LALBA: variants seen among roughly 807,000 people sequenced by gnomAD.
The protein encoded by LALBA is lactalbumin alpha, also known as alpha-lactalbumin.
In LALBA, 12 loss-of-function variants were observed where a neutral mutation model predicts 13.4. The observed-to-expected ratio is 0.89, with a 90% CI of 0.57 to 1.45. LALBA has a LOEUF of 1.45. Among genes scored for constraint, LALBA ranks in the 40% most tolerant of loss-of-function variants. The pLI is 0.00. For missense variants in LALBA, 145 were observed against 165.9 expected (o/e 0.87, Z 0.69); for synonymous variants, 64 against 61.0 (o/e 1.05, Z -0.23).
rs1275392961 is a variant in LALBA, at chr12:48,567,698, G to T, written c.*259C>A. 1 of 370,864 alleles carries T rather than the reference G, an allele frequency of 2.7e-6. No homozygotes were observed. The highest frequency in any genetic ancestry group is 5.0e-6 in the Non-Finnish European group (1 of 201,916). The allele number at this position is 370,864 out of a possible 1,614,324, so 23.0% of individuals were successfully genotyped here. A position where few individuals can be genotyped will look rare whatever the true frequency, so the allele number is the denominator to read the frequency against. On this transcript the variant is annotated 3_prime_UTR_variant, in exon 4 of 4. Transcript: ENST00000301046. Reference sequence around the variant, plus strand: ...ATTACAGCCAGTGACTTCAAAGTGGGACCTTTATTCAAGACAGAGGTGAAA... The same window carrying T: ...ATTACAGCCAGTGACTTCAAAGTGGTACCTTTATTCAAGACAGAGGTGAAA...
At chr12:48,569,569 C>G (rs1051677143) in intron 1 of LALBA, among the ~76,000 whole-genome samples, 1 of 151,992 alleles carries the variant, frequency 6.6e-6, no homozygotes, top group African/African-American at 2.4e-5. Flanking sequence ...CAAAATTAGC[C>G]AGGCATGGTG....
chr12:48,568,242 A>G, intron 3 of LALBA: 1 of 610,966 alleles, frequency 1.6e-6, no homozygotes, highest in South Asian at 2.0e-5. Flanking sequence ...GCTTTAGGGC[A>G]TAGAACTAAA....
chr12:48,571,062 A>G (rs2137135408), upstream of LALBA, among the ~76,000 whole-genome samples: 1 of 152,158 alleles, frequency 6.6e-6, no homozygotes, highest in East Asian at 1.9e-4. Flanking sequence ...TCCTACCGTA[A>G]ATAACCAAAT....
At chr12:48,571,428 A>C (rs7315024), upstream of LALBA, among the ~76,000 whole-genome samples, 7,247 of 112,460 alleles carry the variant, frequency 0.064, 268 homozygotes, top group Middle Eastern at 0.16. Flanking sequence ...TCTGTTGCCC[A>C]GGCTGGAATG....
rs955404272 is a variant in LALBA, at chr12:48,569,004, T to A, written c.292+78A>T. 15 of 1,269,246 alleles carry A rather than the reference T, an allele frequency of 1.2e-5. No homozygotes were observed. The Admixed American group carries it at 2.4e-4, about 20-fold the overall frequency. 78.6% of individuals were successfully genotyped at this position (1,269,246 alleles called of 1,614,324 possible). A position where few individuals can be genotyped will look rare whatever the true frequency, so the allele number is the denominator to read the frequency against. Reference sequence around the variant, plus strand: ...AGCCAAGGCAATGAAGCCTGAGGTCTGCTTGGCACTAAAAAGGAGATTATC... The same window carrying A: ...AGCCAAGGCAATGAAGCCTGAGGTCAGCTTGGCACTAAAAAGGAGATTATC... On this transcript the variant is annotated intron_variant, in intron 2 of 3. Transcript: ENST00000301046.
At chr12:48,569,433 G>T (rs1006912477) in intron 1 of LALBA, among the ~76,000 whole-genome samples, 193 bp from the exon 2 acceptor site, 4 of 152,176 alleles carry the variant, frequency 2.6e-5, no homozygotes, top group African/African-American at 9.7e-5. Flanking sequence ...AATAAATGGG[G>T]CCAGGCATGA....
rs184570081 is a variant in LALBA at position 48,569,289 on chromosome 12, A to G, written c.134-49T>C. The stretch of plus-strand genomic sequence containing the variant: ...TACCACAGAGATGTACAGGATCTGC[A>G]TAAAGGAGGAACTGTAATTCTCAGA... On this transcript the variant is annotated intron_variant, in intron 1 of 3. Coordinates refer to ENST00000301046, the MANE Select transcript of LALBA (RefSeq NM_002289.3). 1.5e-4 allele frequency: 213 copies of G among 1,467,510 alleles called. 1 individual carries two copies. The Admixed American group carries it at 2.7e-3, about 19-fold the overall frequency. The allele number at this position is 1,467,510 out of a possible 1,614,324, so 90.9% of individuals were successfully genotyped here.
Position 48,569,174 on chromosome 12 carries a change from G to C in LALBA, c.200C>G (p.Thr67Arg). The part of the protein sequence containing the change: ...TQAIVENNES[T>R]EYGLFQISNK... ...ACTGATCTGGAAGAGTCCATATTCCGTGCTTTCATTGTTTTCAACTATGGC... is the reference window on the plus strand; with the variant it reads ...ACTGATCTGGAAGAGTCCATATTCCCTGCTTTCATTGTTTTCAACTATGGC... Residue 67 changes from threonine (T) to arginine (R), a missense_variant, in exon 2 of 4, where the codon ACG (threonine) becomes AGG (arginine). Thr to Arg is a moderately conservative substitution (Grantham distance 71). Transcript: ENST00000301046. 6.2e-7 allele frequency: 1 copy of C among 1,613,364 alleles called. No homozygotes were observed. Among genetic ancestry groups the C allele is most frequent in the Non-Finnish European group, 8.5e-7 (1 of 1,179,434 alleles).
At chr12:48,569,516 C>A (rs1337999164) in intron 1 of LALBA, among the ~76,000 whole-genome samples, 6 of 152,122 alleles carry the variant, frequency 3.9e-5, no homozygotes, top group Non-Finnish European at 8.8e-5. Context: ...AAGTTTGAGA[C>A]CAGCCTGGCC....
At chr12:48,569,806 T>C (rs924209010) in intron 1 of LALBA, 82 bp downstream of exon 1, 1 of 1,347,750 alleles carries the variant, frequency 7.4e-7, no homozygotes, top group Non-Finnish European at 1.0e-6. Context: ...TAAGTAAAAG[T>C]GGAGGGGCGA....
chr12:48,571,386 CTT>C (rs60444004), upstream of LALBA, among the ~76,000 whole-genome samples: 863 of 98,032 alleles, frequency 8.8e-3, 35 homozygotes, highest in East Asian at 0.094. Flanking sequence ...CTTCTTCTTC[CTT>C]TTTTTTTTTT....
Position 48,570,042 on chromosome 12 carries a change from G to A in LALBA, c.-22C>T. On this transcript the variant is annotated 5_prime_UTR_variant, in exon 1 of 4. Coordinates refer to ENST00000301046, the MANE Select transcript of LALBA (RefSeq NM_002289.3). ...TCATTTTGGCTACCCCCAAGAACCTGAAATGGAAGCATCACTCAGTTTCAT... is the reference window on the plus strand; with the variant it reads ...TCATTTTGGCTACCCCCAAGAACCTAAAATGGAAGCATCACTCAGTTTCAT... The A allele has an allele frequency of 6.2e-7, 1 of 1,613,154 alleles. No individual in the cohort carries two copies. Among genetic ancestry groups the A allele is most frequent in the Non-Finnish European group, 8.5e-7 (1 of 1,179,610 alleles).
At chr12:48,571,428 A>T (rs7315024), upstream of LALBA, among the ~76,000 whole-genome samples, 1 of 112,478 alleles carries the variant, frequency 8.9e-6, no homozygotes, top group Non-Finnish European at 1.6e-5. Context: ...TCTGTTGCCC[A>T]GGCTGGAATG....
rs780546430 is a variant in LALBA at position 48,568,609 on chromosome 12, G to C, written c.293-17C>G. 9.2e-6 allele frequency: 14 copies of C among 1,514,606 alleles called. No homozygotes were observed. Among genetic ancestry groups the C allele is most frequent in the Admixed American group, 1.8e-5 (1 of 56,058 alleles). 93.8% of individuals were successfully genotyped at this position (1,514,606 alleles called of 1,614,324 possible). A position where few individuals can be genotyped will look rare whatever the true frequency, so the allele number is the denominator to read the frequency against. ...CCAGGAACTCTGGCAGGAGTTACAG[G>C]GAAAGGATTGAGACAGCTGACAAGT... On this transcript the variant is annotated splice_polypyrimidine_tract_variant and intron_variant, in intron 2 of 3. Transcript: ENST00000301046.
chr12:48,568,653 G>A, intron 2 of LALBA, 61 bp from the exon 3 acceptor site: 1 of 994,960 alleles, frequency 1.0e-6, no homozygotes, highest in Non-Finnish European at 1.6e-6. Flanking sequence ...GAAAGGCACT[G>A]AGTTCCCCTA....
rs753333998 is a variant in LALBA, at chr12:48,568,610, G to A, written c.293-18C>T. 1.3e-6 allele frequency: 2 copies of A among 1,500,946 alleles called. No individual in the cohort carries two copies. Among genetic ancestry groups the A allele is most frequent in the African/African-American group, 1.4e-5 (1 of 72,144 alleles). 93.0% of individuals were successfully genotyped at this position (1,500,946 alleles called of 1,614,324 possible). On this transcript the variant is annotated intron_variant, in intron 2 of 3. Transcript: ENST00000301046. ...CAGGAACTCTGGCAGGAGTTACAGGGAAAGGATTGAGACAGCTGACAAGTA... is the reference window on the plus strand; with the variant it reads ...CAGGAACTCTGGCAGGAGTTACAGGAAAAGGATTGAGACAGCTGACAAGTA...
In LALBA at chr12:48,569,882, A is replaced by G; in HGVS notation, c.133+6T>C. The G allele has an allele frequency of 1.2e-6, 2 of 1,613,610 alleles. No homozygotes were observed. Among genetic ancestry groups the G allele is most frequent in the East Asian group, 2.2e-5 (1 of 44,842 alleles). On this transcript the variant is annotated splice_donor_region_variant and intron_variant, in intron 1 of 3. Transcript: ENST00000301046. ...AATGGATGAAACACAGAGGCAGGGA[A>G]CTCACATTCAGGCAAAGCGATGCCT...
chr12:48,568,087 A>T, intron 3 of LALBA, 70 bp from the exon 4 acceptor site: 1 of 1,226,884 alleles, frequency 8.2e-7, no homozygotes, highest in Non-Finnish European at 1.2e-6. Context: ...AGGAGGGCTG[A>T]AGTGGAAGAG....
chr12:48,568,947 C>T lies in LALBA; in HGVS notation c.292+135G>A, dbSNP rs1592225194. 10 of 747,716 alleles carry T rather than the reference C, an allele frequency of 1.3e-5. No individual in the cohort carries two copies. In the East Asian group the frequency reaches 2.6e-4, roughly 19 times the overall value. 46.3% of individuals were successfully genotyped at this position (747,716 alleles called of 1,614,324 possible). On this transcript the variant is annotated intron_variant, in intron 2 of 3. Transcript: ENST00000301046. ...CCAAACAGCTTCTTACTCAGTACTG[C>T]CAATTCAAGTCCCACAATTTTTATA...
Sources: allele counts gnomAD v4.1 joint callset (sites outside exome capture counted in the v4.1 genomes callset), GRCh38; gene constraint gnomAD v4.1.1; transcripts MANE v1.5; gene names NCBI Gene and HGNC (gene_info 2026-07-23, HGNC 2026-07-21).